USO1: variants seen among roughly 807,000 people sequenced by gnomAD.
The protein encoded by USO1 is general vesicular transport factor p115.
A neutral mutation model predicts 124.5 loss-of-function variants in USO1; 57 were observed. The observed-to-expected ratio is 0.46, with a 90% CI of 0.37 to 0.57. The LOEUF is 0.57. USO1 is among the 20% of genes least tolerant of loss of function. The probability of loss-of-function intolerance (pLI) is 0.00; values close to 1 mark genes in which losing one functional copy is unlikely to be tolerated. For missense variants in USO1, 900 were observed against 1,040.6 expected, an observed-to-expected ratio of 0.86 and a Z score of 1.86; for synonymous variants, 369 against 362.8, an observed-to-expected ratio of 1.02 and a Z score of -0.19.
chr4:75,770,699 C>T, intron 5 of USO1, 123 bp from the exon 6 acceptor site: 6 of 789,120 alleles, frequency 7.6e-6, no homozygotes, highest in Non-Finnish European at 9.9e-6. Context: ...TATGTAATCA[C>T]TTAAAGTATG....
chr4:75,767,600 C>T lies in USO1; in HGVS notation c.296-2839C>T, dbSNP rs533089190. On this transcript the variant is annotated intron_variant, in intron 4 of 23. Coordinates refer to ENST00000514213, the MANE Select transcript of USO1 (RefSeq NM_003715.4). Reference sequence around the variant, plus strand: ...TATACTAAACGTAGAAAAAATTAGCCGGGCGTGGTAGCAGGCATCTGAAGT... The same window carrying T: ...TATACTAAACGTAGAAAAAATTAGCTGGGCGTGGTAGCAGGCATCTGAAGT... The T allele has an allele frequency of 1.8e-5, 5 of 281,652 alleles. 1 individual carries two copies. Among genetic ancestry groups the T allele is most frequent in the South Asian group, 5.6e-5 (2 of 35,716 alleles). 17.4% of individuals were successfully genotyped at this position (281,652 alleles called of 1,614,324 possible). A position where few individuals can be genotyped will look rare whatever the true frequency, so the allele number is the denominator to read the frequency against.
intron 8 of USO1, among the ~76,000 whole-genome samples, chr4:75,779,951 T>A (rs967269531): frequency 1.3e-5 from 2 of 152,200 alleles, no homozygotes; most frequent in Non-Finnish European, 1.5e-5. Context: ...TGTTAAGAGC[T>A]AATGCACTGT....
chr4:75,728,038 G>A (rs1409744636), intron 1 of USO1, among the ~76,000 whole-genome samples: 2 of 152,086 alleles, frequency 1.3e-5, no homozygotes, highest in African/African-American at 4.8e-5. Flanking sequence ...CTTGTGAAAT[G>A]AATTAATTAT....
At position 75,805,177 on chromosome 4, in the gene USO1, G is replaced by A; in HGVS notation, c.2163G>A (p.Gly721=). 1 of 1,610,558 alleles carries A rather than the reference G, an allele frequency of 6.2e-7. No individual in the cohort carries two copies. The highest frequency in any genetic ancestry group is 8.5e-7 in the Non-Finnish European group (1 of 1,178,434). ...DNQHQGSYSE[G]AQMNGIQPEE... Reference sequence around the variant, plus strand: ...AGCATCAAGGTTCTTACAGTGAGGGGGCTCAGATGAATGGCATTCAGCCAG... The same window carrying A: ...AGCATCAAGGTTCTTACAGTGAGGGAGCTCAGATGAATGGCATTCAGCCAG... The change falls in exon 19 of 24, where the codon GGG becomes GGA. Residue 721 remains glycine (G), a synonymous_variant. Coordinates refer to ENST00000514213, the MANE Select transcript of USO1 (RefSeq NM_003715.4).
At chr4:75,747,776 AT>A (rs1721169163) in intron 1 of USO1, among the ~76,000 whole-genome samples, 1 of 147,618 alleles carries the variant, frequency 6.8e-6, no homozygotes, top group Non-Finnish European at 1.5e-5. Flanking sequence ...TACCCAGCTA[AT>A]TTTTTGTATT....
chr4:75,792,588 A>T (rs1453963074), intron 12 of USO1, among the ~76,000 whole-genome samples: 1 of 151,974 alleles, frequency 6.6e-6, no homozygotes, highest in African/African-American at 2.4e-5. Flanking sequence ...TCCTAGCTAC[A>T]TGGGAGGCTG....
At chr4:75,773,562 T>G (rs1009460039) in intron 7 of USO1, among the ~76,000 whole-genome samples, 18 of 152,246 alleles carry the variant, frequency 1.2e-4, no homozygotes, top group Middle Eastern at 3.4e-3. Flanking sequence ...GGGGAACAGT[T>G]TTTGGGGAAC....
At chr4:75,735,242 C>T (rs1335588910) in intron 1 of USO1, among the ~76,000 whole-genome samples, 4 of 152,124 alleles carry the variant, frequency 2.6e-5, no homozygotes, top group African/African-American at 4.8e-5. Context: ...TCAGCTTGAA[C>T]GTTATTGATG....
At chr4:75,794,200 C>A (rs370149965) in intron 13 of USO1, among the ~76,000 whole-genome samples, 13 of 152,258 alleles carry the variant, frequency 8.5e-5, no homozygotes, top group African/African-American at 3.1e-4. Context: ...TGTCATTTTT[C>A]TCTTTCTTCT....
chr4:75,725,171 C>G (rs1309464717), intron 1 of USO1, among the ~76,000 whole-genome samples: 2 of 152,206 alleles, frequency 1.3e-5, no homozygotes, highest in Non-Finnish European at 2.9e-5. Flanking sequence ...TGGTACCGCA[C>G]GGGAAGGGAC....
intron 4 of USO1, among the ~76,000 whole-genome samples, chr4:75,758,729 A>AT (rs1721512469): frequency 6.6e-6 from 1 of 152,086 alleles, no homozygotes; most frequent in African/African-American, 2.4e-5. Context: ...TTTAAAAAAA[A>AT]TTTTTTAAAC....
At chr4:75,775,938 G>GC (rs1722061839) in intron 8 of USO1, among the ~76,000 whole-genome samples, 1 of 152,174 alleles carries the variant, frequency 6.6e-6, no homozygotes, top group Non-Finnish European at 1.5e-5. Flanking sequence ...AGTAAGAGAG[G>GC]ATTATCGCCA....
At chr4:75,739,996 G>A (rs530012098) in intron 1 of USO1, among the ~76,000 whole-genome samples, 1 of 152,238 alleles carries the variant, frequency 6.6e-6, no homozygotes, top group Admixed American at 6.5e-5. Flanking sequence ...TTATAGTGCT[G>A]TTGGCCATGA....
chr4:75,789,870 A>G (rs1404112003), intron 10 of USO1, among the ~76,000 whole-genome samples: 1 of 151,956 alleles, frequency 6.6e-6, no homozygotes, highest in Non-Finnish European at 1.5e-5. Flanking sequence ...TTGGAGACCC[A>G]TGCTTAATGC....
chr4:75,757,126 A>C (rs1721470328), intron 3 of USO1, among the ~76,000 whole-genome samples: 2 of 151,806 alleles, frequency 1.3e-5, no homozygotes, highest in African/African-American at 4.8e-5. Flanking sequence ...ACTGTGCATA[A>C]ATTTTTATAT....
chr4:75,810,159 G>C (rs767362273), intron 21 of USO1, among the ~76,000 whole-genome samples: 8 of 152,176 alleles, frequency 5.3e-5, no homozygotes, highest in African/African-American at 1.9e-4. Flanking sequence ...AGTTACATTA[G>C]AGCTGCCTTG....
rs368750817 is a variant in USO1 at position 75,799,713 on chromosome 4, A to G, written c.1544A>G (p.Asn515Ser). ...CPIAVTHFLH[N>S]SANVPFLTGQ... is the part of the protein sequence containing the mutation. ...ATTGCAGTAACGCATTTTCTTCACA[A>G]TTCAGCCAATGTTCCATTTGTATCC... Residue 515 changes from asparagine (N) to serine (S), a missense_variant, in exon 14 of 24, where the codon AAT becomes AGT. Physicochemically the swap from Asn to Ser is conservative, Grantham distance 46. Transcript: ENST00000514213. The G allele has an allele frequency of 5.6e-6, 9 of 1,613,640 alleles. No homozygotes were observed. The highest frequency in any genetic ancestry group is 5.5e-5 in the South Asian group (5 of 91,084).
intron 1 of USO1, among the ~76,000 whole-genome samples, chr4:75,734,494 T>C (rs1355163443): frequency 6.6e-6 from 1 of 152,116 alleles, no homozygotes; most frequent in African/African-American, 2.4e-5. Flanking sequence ...CATTGCTCCA[T>C]GTCTGTAATA....
At chr4:75,800,092 T>C (rs1722801823) in intron 14 of USO1, among the ~76,000 whole-genome samples, 1 of 151,798 alleles carries the variant, frequency 6.6e-6, no homozygotes, top group Admixed American at 6.6e-5. Context: ...GGATTACAGG[T>C]GTGCGCAACC....
Sources: gnomAD v4.1 joint callset for allele counts (sites outside exome capture counted in the v4.1 genomes callset) on GRCh38, gnomAD v4.1.1 for gene constraint, MANE v1.5 for transcripts, NCBI Gene and HGNC (gene_info 2026-07-23, HGNC 2026-07-21) for gene names.